The following CD5 variants were observed in gnomAD, a reference collection of about 807,000 sequenced individuals.
CD5 encodes CD5 molecule, also known as T-cell surface glycoprotein CD5.
CD5 carries 36 observed loss-of-function variants against 60.3 expected under a neutral mutation model. That is an observed-to-expected ratio of 0.60 (90% CI 0.46 to 0.79). The LOEUF (loss-of-function observed/expected upper bound fraction) is 0.79. Among genes scored for constraint, CD5 ranks in the 30% least tolerant of loss-of-function variants. The pLI is 0.00. For synonymous variants in CD5, 230 were observed against 257.6 expected, an observed-to-expected ratio of 0.89 and a Z score of 1.03; for missense variants, 540 against 630.6, an observed-to-expected ratio of 0.86 and a Z score of 1.54.
chr11:61,123,584 T>A (rs1473840893), intron 7 of CD5, among the ~76,000 whole-genome samples: 1 of 152,086 alleles, frequency 6.6e-6, no homozygotes, highest in Non-Finnish European at 1.5e-5. Flanking sequence ...CAGTGTTAGG[T>A]CCTAGTGCCT....
At chr11:61,101,748 ATTACACACACATCAACATGGAGT>A (rs1288055033), upstream of CD5, among the ~76,000 whole-genome samples, 10 of 150,924 alleles carry the variant, frequency 6.6e-5, no homozygotes, top group Admixed American at 3.9e-4. Context: ...CAACATGGAG[ATTACACACACATCAACATGGAGT>A]TCACACACAC....
the CD5 span, among the ~76,000 whole-genome samples, chr11:61,096,449 G>A: frequency 4.6e-5 from 7 of 152,132 alleles, no homozygotes; most frequent in South Asian, 4.1e-4. Flanking sequence ...TGACCACCCC[G>A]GTCACCCCCT....
the CD5 span, among the ~76,000 whole-genome samples, chr11:61,096,090 G>A: frequency 9.4e-3 from 1,439 of 152,338 alleles, 33 homozygotes; most frequent in African/African-American, 0.033. Context: ...TAGGCGAAAC[G>A]CCGACTTACT....
intron 1 of CD5, among the ~76,000 whole-genome samples, chr11:61,106,698 T>G (rs1026632318): frequency 1.3e-5 from 2 of 152,188 alleles, no homozygotes; most frequent in Non-Finnish European, 1.5e-5. Context: ...TGTGTGTGTG[T>G]GTGTCCATGT....
Position 61,118,745 on chromosome 11 carries a change from G to C in CD5, c.401-170G>C, listed in dbSNP as rs533063474. 6.6e-6 allele frequency among the ~76,000 whole-genome samples: 1 copy of C among 152,152 alleles called. No homozygotes were observed. Among genetic ancestry groups the C allele is most frequent in the Non-Finnish European group, 1.5e-5 (1 of 68,012 alleles). On this transcript the variant is annotated intron_variant, in intron 3 of 10. Coordinates refer to ENST00000347785, the MANE Select transcript of CD5 (RefSeq NM_014207.4). The surrounding 1 kb of genome is among the most constrained non-coding windows in gnomAD (Gnocchi z 4.7). ...CCTCCATTCTCCCATCTGTGAAGTG[G>C]GGTGGTACTTCCCGCCTCGCAGGAG... is the stretch of plus-strand genomic sequence containing the variant.
chr11:61,110,011 T>C (rs898154106), intron 1 of CD5, among the ~76,000 whole-genome samples: 2 of 151,946 alleles, frequency 1.3e-5, no homozygotes, highest in South Asian at 4.2e-4. Flanking sequence ...TCAGGCTTCA[T>C]GAGGCTAGGA....
At chr11:61,110,794 G>A (rs1400995620) in intron 1 of CD5, among the ~76,000 whole-genome samples, 5 of 152,214 alleles carry the variant, frequency 3.3e-5, no homozygotes, top group Non-Finnish European at 5.9e-5. Context: ...TAGCACTGTG[G>A]TGAGGACTGG....
intron 5 of CD5, among the ~76,000 whole-genome samples, chr11:61,120,049 C>T (rs1861034163): frequency 6.6e-6 from 1 of 152,050 alleles, no homozygotes; most frequent in Non-Finnish European, 1.5e-5. Flanking sequence ...CAGAGGACAG[C>T]AGGCAAAGAG....
the CD5 span, among the ~76,000 whole-genome samples, chr11:61,096,744 C>G: frequency 6.6e-6 from 1 of 152,164 alleles, no homozygotes; most frequent in Non-Finnish European, 1.5e-5. Context: ...TCTAACCAAG[C>G]CAGGCCAAGA....
At chr11:61,096,898 G>C in the CD5 span, among the ~76,000 whole-genome samples, 1 of 152,212 alleles carries the variant, frequency 6.6e-6, no homozygotes, top group Non-Finnish European at 1.5e-5. Flanking sequence ...CTGGTTCCCA[G>C]AGAAGCTCTC....
chr11:61,097,524 C>T (rs1231621988), upstream of CD5, among the ~76,000 whole-genome samples: 1 of 152,126 alleles, frequency 6.6e-6, no homozygotes, highest in Admixed American at 6.5e-5. Flanking sequence ...CCCGGAGTCC[C>T]ACCAGGACTG....
intron 1 of CD5, among the ~76,000 whole-genome samples, chr11:61,113,566 G>C (rs1316864708): frequency 6.6e-6 from 1 of 152,234 alleles, no homozygotes; most frequent in Non-Finnish European, 1.5e-5. Flanking sequence ...TCCAGAAATG[G>C]GCAGCTGTTA....
upstream of CD5, chr11:61,102,362 C>T: frequency 5.1e-6 from 3 of 594,016 alleles, no homozygotes. Context: ...CAAACAGGGG[C>T]AGGTGGTTTT....
At chr11:61,102,716 C>A in intron 1 of CD5, 101 bp downstream of exon 1, 1 of 1,045,778 alleles carries the variant, frequency 9.6e-7, no homozygotes, top group Non-Finnish European at 1.4e-6. Context: ...ATCCACATGT[C>A]AGCCCTCTGG....
At chr11:61,099,431 C>CACACACACACATCAACATGGAGATT (rs1565180582), upstream of CD5, among the ~76,000 whole-genome samples, 5 of 61,562 alleles carry the variant, frequency 8.1e-5, no homozygotes, top group African/African-American at 3.1e-4. Flanking sequence ...ACATGGAGAT[C>CACACACACACATCAACATGGAGATT]ACACACACAC....
chr11:61,096,185 G>A, the CD5 span, among the ~76,000 whole-genome samples: 154 of 152,366 alleles, frequency 1.0e-3, no homozygotes, highest in African/African-American at 3.4e-3. Flanking sequence ...TCCCATGCTT[G>A]CAATGTAACC....
At chr11:61,125,234 C>G (rs533367320) in intron 9 of CD5, 83 bp downstream of exon 9, 2 of 1,490,630 alleles carry the variant, frequency 1.3e-6, no homozygotes, top group East Asian at 2.3e-5. Context: ...CCTTGAAGGT[C>G]GGGTGATGGC....
At chr11:61,120,805 G>A (rs981625542) in intron 5 of CD5, among the ~76,000 whole-genome samples, 1 of 152,212 alleles carries the variant, frequency 6.6e-6, no homozygotes, top group Non-Finnish European at 1.5e-5. Context: ...GGAGAGCAGG[G>A]GCTGGCTCGC....
chr11:61,125,709 GA>G, intron 9 of CD5, 41 bp from the exon 10 acceptor site: 1 of 1,444,842 alleles, frequency 6.9e-7, no homozygotes. Context: ...GGGCTCTGTG[GA>G]GTCAAAAACC....
Sources: gnomAD v4.1 joint callset for allele counts (sites outside exome capture counted in the v4.1 genomes callset) on GRCh38, gnomAD v4.1.1 for gene constraint, Gnocchi (gnomAD v3.1) non-coding constraint, MANE v1.5 for transcripts, NCBI Gene and HGNC (gene_info 2026-07-23, HGNC 2026-07-21) for gene names.